Variants in FBXO15 observed in about 807,000 individuals in gnomAD.
FBXO15 encodes F-box protein 15.
In FBXO15, 30 loss-of-function variants were observed where a neutral mutation model predicts 49.5. The observed-to-expected ratio is 0.61, with a 90% CI of 0.45 to 0.82. The LOEUF is 0.82. Ranked by LOEUF, FBXO15 falls within the 40% of genes least tolerant of loss-of-function variation. The pLI is 0.00. For synonymous variants in FBXO15, 250 were observed against 232.7 expected (o/e 1.07, Z -0.68); for missense variants, 591 against 631.5 (o/e 0.94, Z 0.69).
At chr18:74,116,472 C>T (rs1914233307) in intron 8 of FBXO15, among the ~76,000 whole-genome samples, 2 of 152,086 alleles carry the variant, frequency 1.3e-5, no homozygotes, top group Non-Finnish European at 2.9e-5. Flanking sequence ...ATCCCTTATT[C>T]AAAAATAGAA....
rs536349608 is a variant in FBXO15, at chr18:74,084,435, G to A, written c.1139-2384C>T. On this transcript the variant is annotated intron_variant, in intron 8 of 9. Transcript: ENST00000419743. Reference sequence around the variant, plus strand: ...GGCAGAGGCAGTGGCAGGGGCCTGCGCCTCAGGCGGGCAGGAGCAGAGGTT... The same window carrying A: ...GGCAGAGGCAGTGGCAGGGGCCTGCACCTCAGGCGGGCAGGAGCAGAGGTT... 3.9e-5 allele frequency among the ~76,000 whole-genome samples: 6 copies of A among 152,342 alleles called. 1 individual carries two copies. The South Asian group carries it at 8.3e-4, about 21-fold the overall frequency.
At position 74,135,901 on chromosome 18, in the gene FBXO15, G is replaced by C. The variant is rs150286998; in HGVS notation, c.228-35C>G. ...CAGAAAAAGAAAAAAAAAATCACCA[G>C]AGTGGACCAGGGCTTAATCTGCAGA... On this transcript the variant is annotated intron_variant, in intron 2 of 9. Transcript: ENST00000419743. 1.9e-4 allele frequency: 291 copies of C among 1,540,676 alleles called. 1 individual carries two copies. The African/African-American group carries it at 3.6e-3, about 19-fold the overall frequency.
At chr18:74,119,787 AGT>A (rs1186321478) in intron 8 of FBXO15, among the ~76,000 whole-genome samples, 1 of 152,180 alleles carries the variant, frequency 6.6e-6, no homozygotes, top group Non-Finnish European at 1.5e-5. Flanking sequence ...GGATGGCAGC[AGT>A]GTGGGCTGAG....
chr18:74,081,579 C>G (rs1038012214), intron 9 of FBXO15, among the ~76,000 whole-genome samples: 1 of 152,194 alleles, frequency 6.6e-6, no homozygotes, highest in Non-Finnish European at 1.5e-5. Context: ...ATGCTGCCTG[C>G]GTGGTCCAAC....
intron 7 of FBXO15, 84 bp downstream of exon 7, chr18:74,124,405 T>C (rs778484923): frequency 5.4e-6 from 6 of 1,105,628 alleles, no homozygotes; most frequent in Non-Finnish European, 8.2e-6. Flanking sequence ...CTGCAGCTAT[T>C]CTCAGGATAT....
intron 8 of FBXO15, among the ~76,000 whole-genome samples, chr18:74,092,428 G>A (rs750374294): frequency 5.9e-5 from 9 of 152,162 alleles, no homozygotes; most frequent in East Asian, 3.9e-4. Flanking sequence ...TAGTGTGGTC[G>A]TTTGGAGGTG....
intron 8 of FBXO15, among the ~76,000 whole-genome samples, chr18:74,106,474 T>C (rs1016728149): frequency 5.3e-5 from 8 of 152,112 alleles, no homozygotes; most frequent in African/African-American, 1.7e-4. Flanking sequence ...AAAAGAAATA[T>C]GATAATGAAC....
intron 8 of FBXO15, chr18:74,098,446 A>T (rs926963746): frequency 2.0e-4 from 30 of 152,318 alleles, no homozygotes; most frequent in Admixed American, 3.9e-4. Flanking sequence ...CAGGAAATAA[A>T]TGCACTTAGA....
At chr18:74,109,704 T>C (rs1368207310) in intron 8 of FBXO15, among the ~76,000 whole-genome samples, 2 of 152,008 alleles carry the variant, frequency 1.3e-5, no homozygotes, top group African/African-American at 2.4e-5. Context: ...CTGGAAACTA[T>C]CATTCTCAAC....
At chr18:74,137,806 C>T (rs916391396) in intron 2 of FBXO15, among the ~76,000 whole-genome samples, 10 of 152,170 alleles carry the variant, frequency 6.6e-5, no homozygotes, top group African/African-American at 2.4e-4. Flanking sequence ...AAAGAAACTG[C>T]TCTAAACCAA....
At chr18:74,131,903 A>C (rs557167676) in intron 3 of FBXO15, among the ~76,000 whole-genome samples, 1 of 152,266 alleles carries the variant, frequency 6.6e-6, no homozygotes, top group East Asian at 1.9e-4. Context: ...GGGGAGGCAG[A>C]GCTATTTCCT....
Position 74,109,547 on chromosome 18 carries a change from C to T in FBXO15, c.1138+13821G>A, listed in dbSNP as rs535260327. 7.9e-5 allele frequency among the ~76,000 whole-genome samples: 12 copies of T among 152,238 alleles called. No homozygotes were observed. In the East Asian group the frequency reaches 2.3e-3, roughly 29 times the overall value. ...ATGCACACATACGTTTATTGTGGCA[C>T]TATTCACAATAGCAAAGACTTGGAA... On this transcript the variant is annotated intron_variant, in intron 8 of 9. Coordinates refer to ENST00000419743, the MANE Select transcript of FBXO15 (RefSeq NM_001142958.2).
intron 8 of FBXO15, among the ~76,000 whole-genome samples, chr18:74,115,279 C>A (rs1341074896): frequency 6.6e-6 from 1 of 152,110 alleles, no homozygotes; most frequent in East Asian, 1.9e-4. Context: ...TGAGGTGATG[C>A]TTATTTCTGA....
intron 7 of FBXO15, 117 bp from the exon 8 acceptor site, chr18:74,123,627 GA>G: frequency 9.2e-7 from 1 of 1,088,170 alleles, no homozygotes; most frequent in Middle Eastern, 2.4e-4. Context: ...TCCTACAAAT[GA>G]AACTCCATAG....
At chr18:74,096,011 C>T (rs1913255653) in intron 8 of FBXO15, among the ~76,000 whole-genome samples, 1 of 152,130 alleles carries the variant, frequency 6.6e-6, no homozygotes, top group Admixed American at 6.5e-5. Context: ...CACCCCTCCC[C>T]CGATTCTACC....
intron 8 of FBXO15, among the ~76,000 whole-genome samples, chr18:74,114,438 T>C (rs1914146253): frequency 1.3e-5 from 2 of 152,226 alleles, no homozygotes; most frequent in South Asian, 4.1e-4. Context: ...AATGCAACTA[T>C]ATCCTGAGTC....
chr18:74,101,093 G>A lies in FBXO15; in HGVS notation c.1139-19042C>T, dbSNP rs117844427. 5.0e-3 allele frequency among the ~76,000 whole-genome samples: 754 copies of A among 152,074 alleles called. 5 individuals carry two copies. Among genetic ancestry groups the A allele is most frequent in the Admixed American group, 8.1e-3 (123 of 15,268 alleles). ...CACCCTCATACTAAAACCAGGATAG[G>A]ACATAACCAAAAAAGAAAACTAAAG... On this transcript the variant is annotated intron_variant, in intron 8 of 9. Transcript: ENST00000419743.
intron 5 of FBXO15, among the ~76,000 whole-genome samples, chr18:74,127,519 A>G (rs188530382): frequency 3.9e-5 from 6 of 152,370 alleles, no homozygotes; most frequent in Admixed American, 3.9e-4. Context: ...GGAAACAAAA[A>G]AGACCCAAAT....
chr18:74,128,399 G>C (rs1978299306), intron 5 of FBXO15, among the ~76,000 whole-genome samples: 1 of 151,828 alleles, frequency 6.6e-6, no homozygotes, highest in African/African-American at 2.4e-5. Context: ...CCATAGAGAT[G>C]GCAGGCACTA....
Sources: gnomAD v4.1 joint callset for allele counts (sites outside exome capture counted in the v4.1 genomes callset) on GRCh38, gnomAD v4.1.1 for gene constraint, MANE v1.5 for transcripts, NCBI Gene and HGNC (gene_info 2026-07-23, HGNC 2026-07-21) for gene names.